LCA5L: variants seen among roughly 807,000 people sequenced by gnomAD.
LCA5L encodes lebercilin-like protein.
A neutral mutation model predicts 45.4 loss-of-function variants in LCA5L; 35 were observed. That is an observed-to-expected ratio of 0.77 (90% CI 0.59 to 1.02). The LOEUF is 1.02. Among genes scored for constraint, LCA5L ranks in the 50% least tolerant of loss-of-function variants. The probability of loss-of-function intolerance (pLI) is 0.00; values close to 1 mark genes in which losing one functional copy is unlikely to be tolerated. For synonymous variants in LCA5L, 233 were observed against 264.7 expected, an observed-to-expected ratio of 0.88 and a Z score of 1.16; for missense variants, 668 against 761.6, an observed-to-expected ratio of 0.88 and a Z score of 1.45.
At chr21:39,435,726 C>G in intron 2 of LCA5L, among the ~76,000 whole-genome samples, 153 bp from the exon 3 acceptor site, 1 of 152,124 alleles carries the variant, frequency 6.6e-6, no homozygotes, top group South Asian at 2.1e-4. Flanking sequence ...ACCTCTGCCT[C>G]CCAGGTTCAA....
chr21:39,436,629 G>A (rs1016913283), intron 2 of LCA5L, among the ~76,000 whole-genome samples: 1 of 152,112 alleles, frequency 6.6e-6, no homozygotes, highest in African/African-American at 2.4e-5. Context: ...CTACAGGCAT[G>A]TGTCACCATG....
intron 2 of LCA5L, chr21:39,438,534 A>G (rs2076504404): frequency 1.3e-5 from 2 of 152,226 alleles, no homozygotes; most frequent in South Asian, 4.1e-4. Flanking sequence ...TTTTCAATAC[A>G]TATGACAAAG....
At chr21:39,432,960 A>G (rs1308052012) in intron 3 of LCA5L, among the ~76,000 whole-genome samples, 3 of 152,216 alleles carry the variant, frequency 2.0e-5, no homozygotes, top group African/African-American at 7.2e-5. Context: ...GTTTTGGGCT[A>G]TTACAAATAA....
intron 7 of LCA5L, among the ~76,000 whole-genome samples, chr21:39,416,536 T>TA (rs2041191125): frequency 6.6e-6 from 1 of 152,212 alleles, no homozygotes; most frequent in Admixed American, 6.5e-5. Flanking sequence ...ATATGGAACT[T>TA]ACAGACCATA....
chr21:39,416,050 A>G (rs770660215), intron 7 of LCA5L, among the ~76,000 whole-genome samples: 1 of 152,234 alleles, frequency 6.6e-6, no homozygotes, highest in Non-Finnish European at 1.5e-5. Flanking sequence ...GGAGTTTCCA[A>G]AATAGTGACA....
rs1428803973 is a variant in LCA5L, at chr21:39,405,951, A to T, written c.1944T>A (p.Ser648=). The T allele has an allele frequency of 1.2e-6, 2 of 1,613,626 alleles. No individual in the cohort carries two copies. Residue 648 remains serine (S), a synonymous_variant, in exon 11 of 11, where the codon TCT becomes TCA. Coordinates refer to ENST00000288350, the MANE Select transcript of LCA5L (RefSeq NM_152505.4). ...TAATAGAATTTACCACAGTTACTTT[A>T]GAGTCTCCGAAAGCATGGCTGGTGG... The part of the protein sequence containing the change: ...QASTSHAFGD[S]KVTVVNSIKP...
At chr21:39,437,878 A>G (rs1030231566) in intron 2 of LCA5L, among the ~76,000 whole-genome samples, 7 of 152,228 alleles carry the variant, frequency 4.6e-5, no homozygotes, top group African/African-American at 1.7e-4. Context: ...AACTACTGAA[A>G]TAAAATATTT....
At chr21:39,430,260 T>A (rs1220650894) in intron 3 of LCA5L, among the ~76,000 whole-genome samples, 62 of 152,212 alleles carry the variant, frequency 4.1e-4, no homozygotes, top group Non-Finnish European at 1.5e-5. Flanking sequence ...AGAATTTGTT[T>A]TTTTGGCCAG....
intron 7 of LCA5L, among the ~76,000 whole-genome samples, chr21:39,420,387 G>A (rs1362680664): frequency 1.3e-5 from 2 of 151,984 alleles, no homozygotes; most frequent in Admixed American, 6.6e-5. Context: ...GCCAAGCGTG[G>A]TGTTGCATGC....
At chr21:39,413,277 C>T (rs2040428284) in intron 7 of LCA5L, among the ~76,000 whole-genome samples, 1 of 152,094 alleles carries the variant, frequency 6.6e-6, no homozygotes, top group African/African-American at 2.4e-5. Context: ...GCCCAGGATG[C>T]CATCTCCACT....
intron 5 of LCA5L, among the ~76,000 whole-genome samples, chr21:39,426,393 C>G (rs1232378669): frequency 6.6e-6 from 1 of 152,144 alleles, no homozygotes; most frequent in African/African-American, 2.4e-5. Context: ...GCCAACTGCC[C>G]TCTTGCATGA....
chr21:39,435,873 A>C (rs2076237375), intron 2 of LCA5L, among the ~76,000 whole-genome samples: 1 of 152,132 alleles, frequency 6.6e-6, no homozygotes, highest in African/African-American at 2.4e-5. Flanking sequence ...CCTGACCTCA[A>C]GTGATCTACT....
At chr21:39,416,329 T>C (rs1277901611) in intron 7 of LCA5L, among the ~76,000 whole-genome samples, 1 of 152,256 alleles carries the variant, frequency 6.6e-6, no homozygotes, top group Non-Finnish European at 1.5e-5. Context: ...TGGGCAGTTA[T>C]CTTTATTGAT....
At chr21:39,429,274 AAT>A (rs1177026945) in intron 3 of LCA5L, 63 bp from the exon 4 acceptor site, 1 of 152,220 alleles carries the variant, frequency 6.6e-6, no homozygotes. Context: ...ATAGGAATCT[AAT>A]ATCACTTTCT....
chr21:39,442,502 T>C, intron 2 of LCA5L, among the ~76,000 whole-genome samples: 1 of 152,064 alleles, frequency 6.6e-6, no homozygotes. Flanking sequence ...CCAGAGGGAA[T>C]GTGGGGAGAC....
chr21:39,416,657 C>G (rs184767234), intron 7 of LCA5L, among the ~76,000 whole-genome samples: 1 of 142,772 alleles, frequency 7.0e-6, no homozygotes, highest in South Asian at 2.2e-4. Flanking sequence ...TATCTTACTT[C>G]TGTATTTTTT....
Position 39,406,558 on chromosome 21 carries a change from C to A in LCA5L, c.1337G>T (p.Gly446Val), listed in dbSNP as rs372283171. Residue 446 changes from glycine to valine, a missense_variant, in exon 11 of 11, where the codon GGA becomes GTA. By Grantham distance (109) the Gly-to-Val change is moderately radical. Coordinates refer to ENST00000288350, the MANE Select transcript of LCA5L (RefSeq NM_152505.4). ...GTCTTCTTTTTTGTCTTTTTGTCTTCCAGTATTCTCCAGCAGTATTTGGAC... is the reference window on the plus strand; with the variant it reads ...GTCTTCTTTTTTGTCTTTTTGTCTTACAGTATTCTCCAGCAGTATTTGGAC... ...LEVQILLENT[G>V]RQKDKKEDQE... is the part of the protein sequence containing the mutation. 6.2e-7 allele frequency: 1 copy of A among 1,608,464 alleles called. No individual in the cohort carries two copies. Among genetic ancestry groups the A allele is most frequent in the East Asian group, 2.2e-5 (1 of 44,840 alleles).
At chr21:39,428,590 A>ATATATATATATATATATATATATATATG in intron 4 of LCA5L, 87 bp from the exon 5 acceptor site, 1 of 35,320 alleles carries the variant, frequency 2.8e-5, no homozygotes. Context: ...ATATATATAT[A>ATATATATATATATATATATATATATATG]TATATATATT....
In LCA5L at chr21:39,430,727, T is replaced by C. The variant is rs533724560; in HGVS notation, c.-91-1516A>G. On this transcript the variant is annotated intron_variant, in intron 3 of 10. Coordinates refer to ENST00000288350, the MANE Select transcript of LCA5L (RefSeq NM_152505.4). Reference sequence around the variant, plus strand: ...AGCTGCTTGCTCCGTGGGCTCTGACTGACACCACCAATAGCTATAAATTAA... The same window carrying C: ...AGCTGCTTGCTCCGTGGGCTCTGACCGACACCACCAATAGCTATAAATTAA... Among the ~76,000 whole-genome samples the C allele has an allele frequency of 2.1e-3, 320 of 152,318 alleles. 1 individual carries two copies. Among genetic ancestry groups the C allele is most frequent in the African/African-American group, 7.4e-3 (309 of 41,566 alleles).
Sources: allele counts gnomAD v4.1 joint callset (sites outside exome capture counted in the v4.1 genomes callset), GRCh38; gene constraint gnomAD v4.1.1; transcripts MANE v1.5; gene names NCBI Gene and HGNC (gene_info 2026-07-23, HGNC 2026-07-21).